KCNMB2: variants seen among roughly 807,000 people sequenced by gnomAD.
KCNMB2 encodes calcium-activated potassium channel subunit beta-2.
Under a neutral mutation model 24.5 loss-of-function variants are expected in KCNMB2, and 9 were observed. The ratio of observed to expected loss-of-function variants is 0.37; its 90% CI spans 0.22 to 0.64. The LOEUF (loss-of-function observed/expected upper bound fraction) is 0.64. Among genes scored for constraint, KCNMB2 ranks in the 30% least tolerant of loss-of-function variants. The probability of loss-of-function intolerance (pLI) is 0.63; values close to 1 mark genes in which losing one functional copy is unlikely to be tolerated. For synonymous variants in KCNMB2, 109 were observed against 104.4 expected (o/e 1.04, Z -0.27); for missense variants, 226 against 284.3 (o/e 0.79, Z 1.47).
At chr3:178,626,729 C>G (rs938662079) in intron 1 of KCNMB2, among the ~76,000 whole-genome samples, 1 of 151,976 alleles carries the variant, frequency 6.6e-6, no homozygotes, top group African/African-American at 2.4e-5. Flanking sequence ...TCCCTAGACA[C>G]ATGGAGATTA....
At chr3:178,591,111 A>T (rs2108499280) in intron 1 of KCNMB2, among the ~76,000 whole-genome samples, 1 of 152,330 alleles carries the variant, frequency 6.6e-6, no homozygotes, top group South Asian at 2.1e-4. Flanking sequence ...AATATTTCAT[A>T]AGCCACATTT....
chr3:178,652,464 T>TAA (rs35122415), intron 1 of KCNMB2, among the ~76,000 whole-genome samples: 62 of 150,260 alleles, frequency 4.1e-4, no homozygotes, highest in South Asian at 1.3e-3. Context: ...CTTGAAGTAT[T>TAA]AAAAAAAAAA....
At chr3:178,738,242 A>C (rs1242227033) in intron 1 of KCNMB2, among the ~76,000 whole-genome samples, 4 of 151,880 alleles carry the variant, frequency 2.6e-5, no homozygotes, top group African/African-American at 7.3e-5. Flanking sequence ...ACCCCACACC[A>C]AGTCTGCTCT....
chr3:178,706,493 G>T (rs1281997589), intron 1 of KCNMB2, among the ~76,000 whole-genome samples: 1 of 152,030 alleles, frequency 6.6e-6, no homozygotes, highest in African/African-American at 2.4e-5. Context: ...GGGTGCAGAT[G>T]ACATTTGACT....
intron 1 of KCNMB2, among the ~76,000 whole-genome samples, chr3:178,696,090 A>T (rs1453722409): frequency 6.6e-6 from 1 of 152,214 alleles, no homozygotes; most frequent in Non-Finnish European, 1.5e-5. Context: ...AAGGGGAAGT[A>T]AACATGTCCT....
chr3:178,767,753 G>A (rs1285640715), intron 1 of KCNMB2, among the ~76,000 whole-genome samples: 1 of 152,146 alleles, frequency 6.6e-6, no homozygotes, highest in African/African-American at 2.4e-5. Flanking sequence ...GTGACCACTG[G>A]TTCCTTTCCA....
At chr3:178,627,659 T>C (rs890712073) in intron 1 of KCNMB2, among the ~76,000 whole-genome samples, 7 of 152,194 alleles carry the variant, frequency 4.6e-5, no homozygotes, top group African/African-American at 1.7e-4. Context: ...TGATTTAAGG[T>C]CACAGGAAAA....
intron 1 of KCNMB2, among the ~76,000 whole-genome samples, chr3:178,610,433 A>T (rs187300111): frequency 1.2e-4 from 19 of 152,226 alleles, no homozygotes; most frequent in African/African-American, 4.3e-4. Flanking sequence ...TTCCTTAATC[A>T]GCGTTTTACA....
At chr3:178,616,241 C>T in intron 1 of KCNMB2, among the ~76,000 whole-genome samples, 1 of 152,190 alleles carries the variant, frequency 6.6e-6, no homozygotes, top group East Asian at 1.9e-4. Context: ...CATTAGGACT[C>T]ACGTAAGAGT....
At chr3:178,637,786 T>G (rs1719582369) in intron 1 of KCNMB2, among the ~76,000 whole-genome samples, 1 of 152,206 alleles carries the variant, frequency 6.6e-6, no homozygotes. Flanking sequence ...GTAGTTATTT[T>G]CTGTCTCTGA....
chr3:178,592,635 G>A (rs1216223151), intron 1 of KCNMB2, among the ~76,000 whole-genome samples: 2 of 152,118 alleles, frequency 1.3e-5, no homozygotes, highest in African/African-American at 4.8e-5. Context: ...CTGTTAACCT[G>A]TAATCTGGGT....
chr3:178,772,631 C>T (rs1712420623), intron 1 of KCNMB2, among the ~76,000 whole-genome samples: 1 of 152,180 alleles, frequency 6.6e-6, no homozygotes, highest in Admixed American at 6.5e-5. Context: ...TCTTTATCAG[C>T]AGTGTAAAAG....
chr3:178,613,979 G>A (rs1718588527), intron 1 of KCNMB2, among the ~76,000 whole-genome samples: 1 of 151,488 alleles, frequency 6.6e-6, no homozygotes, highest in African/African-American at 2.4e-5. Flanking sequence ...TCCTGTAGGT[G>A]TGCTTCATTT....
intron 1 of KCNMB2, chr3:178,757,156 C>G (rs1471804159): frequency 7.0e-6 from 1 of 143,136 alleles, no homozygotes; most frequent in Non-Finnish European, 1.5e-5. Flanking sequence ...GAAAATTTAG[C>G]TAAGATTGAT....
At chr3:178,703,840 A>C (rs1488521995) in intron 1 of KCNMB2, among the ~76,000 whole-genome samples, 1 of 152,204 alleles carries the variant, frequency 6.6e-6, no homozygotes, top group Admixed American at 6.5e-5. Flanking sequence ...AAAGGAATTC[A>C]TCTGTGAGTA....
intron 1 of KCNMB2, among the ~76,000 whole-genome samples, chr3:178,696,694 T>C (rs1338336500): frequency 6.6e-6 from 1 of 152,206 alleles, no homozygotes; most frequent in Non-Finnish European, 1.5e-5. Context: ...TGATATTAGG[T>C]TGTTAACTTG....
intron 1 of KCNMB2, among the ~76,000 whole-genome samples, chr3:178,775,418 C>CT (rs541404685): frequency 1.6e-3 from 236 of 152,124 alleles, no homozygotes; most frequent in Middle Eastern, 3.4e-3. Flanking sequence ...AGGAGATTAA[C>CT]TTTTTTTAGA....
At chr3:178,773,055 C>T (rs1712438746) in intron 1 of KCNMB2, among the ~76,000 whole-genome samples, 1 of 152,130 alleles carries the variant, frequency 6.6e-6, no homozygotes, top group Non-Finnish European at 1.5e-5. Flanking sequence ...TGGACCTCCC[C>T]TACATATTCC....
At chr3:178,579,153 A>T (rs143975710) in intron 1 of KCNMB2, among the ~76,000 whole-genome samples, 2 of 152,338 alleles carry the variant, frequency 1.3e-5, no homozygotes, top group East Asian at 3.9e-4. Context: ...ATGCAAAAGA[A>T]CAGAAATCAT....
Sources: gnomAD v4.1 joint callset for allele counts (sites outside exome capture counted in the v4.1 genomes callset) on GRCh38, gnomAD v4.1.1 for gene constraint, MANE v1.5 for transcripts, NCBI Gene and HGNC (gene_info 2026-07-23, HGNC 2026-07-21) for gene names.